Variants in CACNB4 observed in about 807,000 individuals in gnomAD.
CACNB4 encodes the protein calcium voltage-gated channel auxiliary subunit beta 4.
A neutral mutation model predicts 71.2 loss-of-function variants in CACNB4; 32 were observed. The ratio of observed to expected loss-of-function variants is 0.45; its 90% confidence interval spans 0.34 to 0.60. The LOEUF is 0.60. CACNB4 is among the 20% of genes least tolerant of loss of function. The probability of loss-of-function intolerance (pLI) is 0.01; values close to 1 mark genes in which losing one functional copy is unlikely to be tolerated. For missense variants in CACNB4, 464 were observed against 647.9 expected, an observed-to-expected ratio of 0.72 and a Z score of 3.08; for synonymous variants, 231 against 236.9, an observed-to-expected ratio of 0.97 and a Z score of 0.23.
At chr2:151,870,020 C>T (rs1247766611) in intron 8 of CACNB4, 3 of 558,900 alleles carry the variant, frequency 5.4e-6, no homozygotes, top group Non-Finnish European at 9.4e-6. Flanking sequence ...CTCCAAAGTT[C>T]ACTAATGTTT....
chr2:152,024,380 A>C (rs1683849602), intron 2 of CACNB4, among the ~76,000 whole-genome samples: 1 of 152,260 alleles, frequency 6.6e-6, no homozygotes, highest in African/African-American at 2.4e-5. Flanking sequence ...AAGTGGTTAA[A>C]AAATGAATAT....
At chr2:151,984,075 G>T (rs1486273422) in intron 2 of CACNB4, among the ~76,000 whole-genome samples, 1 of 152,154 alleles carries the variant, frequency 6.6e-6, no homozygotes, top group African/African-American at 2.4e-5. Context: ...AGATAGGAAA[G>T]TAATAACCAG....
intron 2 of CACNB4, among the ~76,000 whole-genome samples, chr2:151,930,052 T>A (rs1046183475): frequency 1.3e-5 from 2 of 152,082 alleles, no homozygotes; most frequent in African/African-American, 4.8e-5. Context: ...CCAGGAAAAC[T>A]GTCAGGAAAA....
chr2:152,045,177 T>C (rs1398367405), intron 2 of CACNB4, among the ~76,000 whole-genome samples: 1 of 152,228 alleles, frequency 6.6e-6, no homozygotes, highest in Non-Finnish European at 1.5e-5. Flanking sequence ...TTTTCAGTGC[T>C]TTCACATGCA....
chr2:151,962,415 C>T (rs2099869896), intron 2 of CACNB4, among the ~76,000 whole-genome samples: 1 of 152,192 alleles, frequency 6.6e-6, no homozygotes, highest in South Asian at 2.1e-4. Context: ...CCCCCACCCC[C>T]AGAACTTACA....
chr2:152,008,175 T>C (rs1415594394), intron 2 of CACNB4, among the ~76,000 whole-genome samples: 1 of 152,188 alleles, frequency 6.6e-6, no homozygotes, highest in Non-Finnish European at 1.5e-5. Context: ...CTCCACATGC[T>C]TTCTAACACT....
intron 2 of CACNB4, among the ~76,000 whole-genome samples, chr2:152,008,132 A>G (rs1284001744): frequency 6.6e-6 from 1 of 150,904 alleles, no homozygotes; most frequent in African/African-American, 2.4e-5. Context: ...ACCATTTTAC[A>G]TTTCCACAAG....
At chr2:151,983,357 T>A (rs898376731) in intron 2 of CACNB4, among the ~76,000 whole-genome samples, 4 of 152,216 alleles carry the variant, frequency 2.6e-5, no homozygotes, top group African/African-American at 9.6e-5. Context: ...TCAGTCTGAT[T>A]GGTCATTTCC....
At chr2:151,903,606 A>C (rs1454551044) in intron 2 of CACNB4, among the ~76,000 whole-genome samples, 1 of 152,236 alleles carries the variant, frequency 6.6e-6, no homozygotes, top group Non-Finnish European at 1.5e-5. Context: ...GTCAATCTCC[A>C]GGCCCATCTT....
At chr2:151,965,169 G>A (rs142838559) in intron 2 of CACNB4, among the ~76,000 whole-genome samples, 2 of 152,220 alleles carry the variant, frequency 1.3e-5, no homozygotes, top group African/African-American at 4.8e-5. Flanking sequence ...AATAAGCTAG[G>A]GAACTAATCT....
chr2:152,095,854 A>G (rs1688236804), intron 2 of CACNB4, among the ~76,000 whole-genome samples: 1 of 152,100 alleles, frequency 6.6e-6, no homozygotes, highest in South Asian at 2.1e-4. Context: ...GGGTTTCACC[A>G]TGCTACCAGG....
intron 4 of CACNB4, among the ~76,000 whole-genome samples, chr2:151,878,637 C>G (rs1002076457): frequency 6.0e-4 from 22 of 36,442 alleles, no homozygotes; most frequent in Non-Finnish European, 1.5e-3. Context: ...AATACTACAC[C>G]ATTAGCTAGC....
intron 12 of CACNB4, 98 bp downstream of exon 12, chr2:151,853,350 A>G: frequency 1.5e-6 from 1 of 678,074 alleles, no homozygotes; most frequent in Non-Finnish European, 2.5e-6. Context: ...TACCATCATC[A>G]CCATCATTTT....
At chr2:151,991,453 G>A (rs1332339634) in intron 2 of CACNB4, among the ~76,000 whole-genome samples, 1 of 152,196 alleles carries the variant, frequency 6.6e-6, no homozygotes, top group East Asian at 1.9e-4. Context: ...TGAAGATGGA[G>A]CACTGAGCCA....
chr2:151,914,250 C>T (rs1049601255), intron 2 of CACNB4, among the ~76,000 whole-genome samples: 5 of 151,872 alleles, frequency 3.3e-5, no homozygotes, highest in African/African-American at 9.7e-5. Context: ...CTTTTTTCTG[C>T]TTGGTCGATT....
At chr2:152,027,852 CAAAAAAAAAAAAAAAA>C (rs5835403) in intron 2 of CACNB4, among the ~76,000 whole-genome samples, 1 of 76,212 alleles carries the variant, frequency 1.3e-5, no homozygotes, top group Non-Finnish European at 2.3e-5. Context: ...GACTCCGTCT[CAAAAAAAAAAAAAAAA>C]AAAAAAAAGC....
intron 12 of CACNB4, chr2:151,852,219 C>T (rs2099839252): frequency 6.6e-6 from 1 of 152,210 alleles, no homozygotes; most frequent in African/African-American, 2.4e-5. Flanking sequence ...TATGGCCTAT[C>T]TCACCAGGTA....
At chr2:152,073,800 T>C (rs111662144) in intron 2 of CACNB4, among the ~76,000 whole-genome samples, 47 of 152,294 alleles carry the variant, frequency 3.1e-4, no homozygotes, top group African/African-American at 1.1e-3. Flanking sequence ...TTCCCTTCAA[T>C]AACAAATGCA....
chr2:151,886,306 A>C (rs1385433147), intron 2 of CACNB4, among the ~76,000 whole-genome samples: 1 of 152,144 alleles, frequency 6.6e-6, no homozygotes, highest in African/African-American at 2.4e-5. Context: ...TGTCCTGGGG[A>C]TGGTTAGTGC....
Sources: allele counts gnomAD v4.1 joint callset (sites outside exome capture counted in the v4.1 genomes callset), GRCh38; gene constraint gnomAD v4.1.1; transcripts MANE v1.5; gene names NCBI Gene and HGNC (gene_info 2026-07-23, HGNC 2026-07-21).